Variants in PLCL1 observed in about 807,000 individuals in gnomAD.
PLCL1 encodes phospholipase C like 1 (inactive).
A neutral mutation model predicts 84.4 loss-of-function variants in PLCL1; 41 were observed. The ratio of observed to expected loss-of-function variants is 0.49; its 90% CI spans 0.38 to 0.63. PLCL1 has a LOEUF of 0.63. PLCL1 is among the 30% of genes least tolerant of loss of function. The pLI is 0.00. For synonymous variants in PLCL1, 490 were observed against 488.3 expected (o/e 1.00, Z -0.05); for missense variants, 1,206 against 1,367.8 (o/e 0.88, Z 1.87).
chr2:197,897,163 T>G (rs1688157082), intron 1 of PLCL1, among the ~76,000 whole-genome samples: 1 of 32,384 alleles, frequency 3.1e-5, no homozygotes, highest in Admixed American at 3.1e-4. Flanking sequence ...CTTCTTCTTC[T>G]TCTTCTTCTT....
chr2:198,111,534 G>T (rs979206448), intron 5 of PLCL1, among the ~76,000 whole-genome samples: 4 of 151,808 alleles, frequency 2.6e-5, no homozygotes, highest in Admixed American at 1.3e-4. Flanking sequence ...GCAGTATCTG[G>T]CACATGCTAT....
At chr2:198,034,307 C>T (rs1691502463) in intron 1 of PLCL1, among the ~76,000 whole-genome samples, 1 of 152,132 alleles carries the variant, frequency 6.6e-6, no homozygotes, top group Admixed American at 6.5e-5. Context: ...ATCTATGTCC[C>T]TACAAAGGAC....
At chr2:198,050,950 A>C (rs1217352910) in intron 1 of PLCL1, among the ~76,000 whole-genome samples, 1 of 152,252 alleles carries the variant, frequency 6.6e-6, no homozygotes, top group African/African-American at 2.4e-5. Flanking sequence ...GCAAATGGTC[A>C]TATTTCAAAG....
chr2:198,038,821 G>A (rs1211881322), intron 1 of PLCL1, among the ~76,000 whole-genome samples: 1 of 131,858 alleles, frequency 7.6e-6, no homozygotes, highest in Non-Finnish European at 1.6e-5. Context: ...GGAAAATACT[G>A]TCTTGATCCT....
intron 1 of PLCL1, among the ~76,000 whole-genome samples, chr2:197,880,698 GT>G (rs893145117): frequency 6.6e-6 from 1 of 152,120 alleles, no homozygotes; most frequent in Non-Finnish European, 1.5e-5. Flanking sequence ...AATATTTATA[GT>G]TTTTTGTTTT....
chr2:197,892,949 C>T (rs991247315), intron 1 of PLCL1, among the ~76,000 whole-genome samples: 6 of 152,148 alleles, frequency 3.9e-5, no homozygotes, highest in Admixed American at 1.3e-4. Flanking sequence ...GAGCTGAGAT[C>T]GCGCCACTGC....
intron 1 of PLCL1, among the ~76,000 whole-genome samples, chr2:197,897,001 T>C (rs1000501324): frequency 6.6e-6 from 1 of 152,260 alleles, no homozygotes; most frequent in Non-Finnish European, 1.5e-5. Context: ...GTCATTTTCA[T>C]TAGAAAACTA....
In PLCL1 at chr2:198,084,713, A is replaced by T; in HGVS notation, c.1196A>T (p.Asp399Val). The change falls in exon 2 of 6, where the codon GAT becomes GTT. Residue 399 changes from aspartate to valine, a missense_variant. Physicochemically the swap from Asp to Val is radical, Grantham distance 152. Transcript: ENST00000428675. ...CCTGAGCAAAAGAAGGTTGCCCAAG[A>T]TATGACCCAGCCATTATCTCACTAC... ...FDPEQKKVAQ[D>V]MTQPLSHYYI... 6.2e-7 allele frequency: 1 copy of T among 1,614,082 alleles called. No homozygotes were observed. Among genetic ancestry groups the T allele is most frequent in the Non-Finnish European group, 8.5e-7 (1 of 1,179,980 alleles).
chr2:197,905,676 T>C (rs1269411481), intron 1 of PLCL1, among the ~76,000 whole-genome samples: 6 of 151,270 alleles, frequency 4.0e-5, no homozygotes, highest in Non-Finnish European at 8.9e-5. Flanking sequence ...CGCCATACTG[T>C]CTTCCACCAA....
intron 1 of PLCL1, among the ~76,000 whole-genome samples, chr2:198,082,717 T>G (rs191779669): frequency 6.6e-6 from 1 of 152,236 alleles, no homozygotes; most frequent in East Asian, 1.9e-4. Context: ...ATAGACACAG[T>G]GAACGGTCCA....
chr2:198,144,959 ATGACTTTGGGAAGGG>A (rs1559120122), intron 5 of PLCL1, among the ~76,000 whole-genome samples: 1 of 152,156 alleles, frequency 6.6e-6, no homozygotes, highest in Admixed American at 6.6e-5. Context: ...TAGCAGCTGT[ATGACTTTGGGAAGGG>A]TGACTGTGCT....
chr2:198,030,775 G>A (rs941437025), intron 1 of PLCL1, among the ~76,000 whole-genome samples: 4 of 152,136 alleles, frequency 2.6e-5, no homozygotes, highest in African/African-American at 9.7e-5. Context: ...TTAGCACACT[G>A]CAGAGGCGGA....
intron 4 of PLCL1, 141 bp from the exon 5 acceptor site, chr2:198,103,686 A>T: frequency 1.9e-6 from 1 of 528,174 alleles, no homozygotes; most frequent in Non-Finnish European, 3.4e-6. Flanking sequence ...AACAGAATGA[A>T]AAGGATAATT....
chr2:197,824,809 T>G (rs550645637), intron 1 of PLCL1, among the ~76,000 whole-genome samples: 4 of 152,138 alleles, frequency 2.6e-5, no homozygotes, highest in Admixed American at 2.6e-4. Context: ...TGTAAATTCC[T>G]TAAAAGCCAG....
At chr2:198,064,977 A>G (rs1233815653) in intron 1 of PLCL1, among the ~76,000 whole-genome samples, 1 of 152,144 alleles carries the variant, frequency 6.6e-6, no homozygotes, top group Non-Finnish European at 1.5e-5. Context: ...ATACAGAATA[A>G]GACTGAGGGG....
At chr2:197,924,678 G>A (rs1688799847) in intron 1 of PLCL1, among the ~76,000 whole-genome samples, 1 of 151,792 alleles carries the variant, frequency 6.6e-6, no homozygotes, top group Non-Finnish European at 1.5e-5. Context: ...GTTGAGCACT[G>A]TGCAGGCCTG....
chr2:197,810,473 G>C (rs973345942), intron 1 of PLCL1, among the ~76,000 whole-genome samples: 2 of 152,220 alleles, frequency 1.3e-5, no homozygotes, highest in African/African-American at 4.8e-5. Context: ...TAGCCATTGA[G>C]GGGTTAAACG....
intron 1 of PLCL1, among the ~76,000 whole-genome samples, chr2:198,009,577 A>G (rs1690816374): frequency 6.6e-6 from 1 of 151,950 alleles, no homozygotes; most frequent in South Asian, 2.1e-4. Context: ...CACTGTCTTA[A>G]TTACTGTTTC....
intron 1 of PLCL1, among the ~76,000 whole-genome samples, chr2:197,858,874 C>T (rs1194137273): frequency 6.6e-6 from 1 of 152,064 alleles, no homozygotes. Flanking sequence ...AGTAGGTGAT[C>T]TAAGATGGCC....
Sources: gnomAD v4.1 joint callset for allele counts (sites outside exome capture counted in the v4.1 genomes callset) on GRCh38, gnomAD v4.1.1 for gene constraint, MANE v1.5 for transcripts, NCBI Gene and HGNC (gene_info 2026-07-23, HGNC 2026-07-21) for gene names.